The following ATP11C variants were observed in gnomAD, a reference collection of about 807,000 sequenced individuals.
The protein encoded by ATP11C is ATPase phospholipid transporting 11C (ATP11C blood group).
ATP11C carries 36 observed loss-of-function variants against 97.4 expected under a neutral mutation model. The observed-to-expected ratio is 0.37, with a 90% CI of 0.28 to 0.49. The LOEUF (loss-of-function observed/expected upper bound fraction) is 0.49, where lower values mean the gene tolerates loss of function less well. ATP11C is among the 20% of genes least tolerant of loss of function. The pLI is 0.98. For synonymous variants in ATP11C, 275 were observed against 290.9 expected (o/e 0.95, Z 0.56); for missense variants, 730 against 824.6 (o/e 0.89, Z 1.40).
At chrX:139,898,930 T>G (rs2084851911) in intron 1 of ATP11C, among the ~76,000 whole-genome samples, 1 of 111,485 alleles carries the variant, frequency 9.0e-6, no homozygotes, top group Non-Finnish European at 1.9e-5. Flanking sequence ...GATAGCTGAG[T>G]TATAGCAACA....
intron 1 of ATP11C, among the ~76,000 whole-genome samples, chrX:139,865,220 A>C (rs968921427): frequency 2.7e-5 from 3 of 111,560 alleles, no homozygotes; most frequent in African/African-American, 9.8e-5. Context: ...AATTAAAAAA[A>C]ATTAAACTGG....
chrX:139,776,285 G>C (rs1204484553), intron 18 of ATP11C, among the ~76,000 whole-genome samples: 1 of 111,542 alleles, frequency 9.0e-6, no homozygotes, highest in African/African-American at 3.3e-5. Flanking sequence ...CAGGCCAATT[G>C]GGCTTTCACA....
chrX:139,850,501 A>G (rs1055486379), intron 1 of ATP11C, among the ~76,000 whole-genome samples: 10 of 112,245 alleles, frequency 8.9e-5, no homozygotes, highest in Admixed American at 7.6e-4. Context: ...GAACTAGGAT[A>G]TTTGGTAGAA....
intron 1 of ATP11C, among the ~76,000 whole-genome samples, chrX:139,881,807 C>T (rs184515989): frequency 3.6e-5 from 4 of 111,500 alleles, no homozygotes; most frequent in Admixed American, 2.9e-4. Flanking sequence ...CAACTGTTTC[C>T]TCTCAAGAAA....
chrX:139,729,563 T>C (rs780038763), intron 29 of ATP11C, among the ~76,000 whole-genome samples: 5 of 111,733 alleles, frequency 4.5e-5, no homozygotes, highest in African/African-American at 1.3e-4. Context: ...TATGAGTCGA[T>C]TGATTCTTCT....
chrX:139,773,343 A>C (rs1255161963), intron 19 of ATP11C, among the ~76,000 whole-genome samples: 2 of 111,145 alleles, frequency 1.8e-5, no homozygotes, highest in African/African-American at 6.6e-5. Context: ...GAGTTAATGA[A>C]GGTGGGGCCT....
upstream of ATP11C, among the ~76,000 whole-genome samples, chrX:139,934,538 C>T (rs2085502268): frequency 2.8e-5 from 3 of 105,420 alleles, no homozygotes; most frequent in Admixed American, 2.1e-4. Context: ...TATTTTCTAG[C>T]TTTCTAGCTT....
intron 23 of ATP11C, among the ~76,000 whole-genome samples, chrX:139,755,532 T>A (rs753293144): frequency 3.1e-4 from 35 of 111,674 alleles, no homozygotes; most frequent in African/African-American, 1.1e-3. Flanking sequence ...GCCAAGGCAA[T>A]CCTAAGCAAA....
At chrX:139,879,072 T>A (rs1451143499) in intron 1 of ATP11C, among the ~76,000 whole-genome samples, 2 of 111,150 alleles carry the variant, frequency 1.8e-5, no homozygotes, top group East Asian at 5.7e-4. Context: ...ATAGTACCAC[T>A]GTACTTCAGC....
intron 5 of ATP11C, 70 bp from the exon 6 acceptor site, chrX:139,804,669 C>T (rs2083003500): frequency 2.3e-6 from 2 of 877,714 alleles, no homozygotes; most frequent in Middle Eastern, 4.3e-4. Flanking sequence ...ATACAAAAGT[C>T]AAAACATTAG....
intron 24 of ATP11C, among the ~76,000 whole-genome samples, chrX:139,747,874 G>C (rs1288088495): frequency 1.8e-5 from 2 of 111,848 alleles, no homozygotes; most frequent in African/African-American, 3.2e-5. Flanking sequence ...TTCACAACTT[G>C]CAAGTATGAG....
chrX:139,747,821 A>G (rs2081724947), intron 24 of ATP11C, among the ~76,000 whole-genome samples: 1 of 112,025 alleles, frequency 8.9e-6, no homozygotes, highest in Non-Finnish European at 1.9e-5. Flanking sequence ...AACTATCTAC[A>G]GTCTGGTGAC....
chrX:139,932,221 G>C lies in ATP11C; in HGVS notation c.-179C>G. 5.0e-6 allele frequency: 1 copy of C among 199,234 alleles called. No individual in the cohort carries two copies. Among genetic ancestry groups the C allele is most frequent in the Non-Finnish European group, 7.6e-6 (1 of 132,424 alleles). The allele number at this position is 199,234 out of a possible 1,213,427, so 16.4% of individuals were successfully genotyped here. On this transcript the variant is annotated 5_prime_UTR_variant, in exon 1 of 30. Coordinates refer to ENST00000682941, the MANE Select transcript of ATP11C (RefSeq NM_001353812.2). ...CTCCGCGCTCCCCCGCCCCCCAGCC[G>C]CCCGCAGCCTAGCCGCCGCCCCGCC...
intron 1 of ATP11C, among the ~76,000 whole-genome samples, chrX:139,829,656 TA>T (rs2083602848): frequency 9.0e-6 from 1 of 111,259 alleles, no homozygotes; most frequent in Non-Finnish European, 1.9e-5. Context: ...CAGCATTTCT[TA>T]AAACTGGAAA....
chrX:139,738,813 T>A (rs765134717), intron 27 of ATP11C, among the ~76,000 whole-genome samples: 17 of 110,286 alleles, frequency 1.5e-4, no homozygotes, highest in Non-Finnish European at 3.0e-4. Flanking sequence ...GTGAAGCTAT[T>A]GTTCTTTGAA....
At chrX:139,931,300 C>T (rs758493515) in intron 1 of ATP11C, among the ~76,000 whole-genome samples, 19 of 112,107 alleles carry the variant, frequency 1.7e-4, no homozygotes, top group Non-Finnish European at 3.2e-4. Context: ...AGTCACAGTC[C>T]GCCTTCTCCC....
At chrX:139,852,585 G>A (rs2084015665) in intron 1 of ATP11C, among the ~76,000 whole-genome samples, 1 of 105,718 alleles carries the variant, frequency 9.5e-6, no homozygotes, top group Non-Finnish European at 2.0e-5. Flanking sequence ...GTACTTCCTT[G>A]GTGGTCAAAT....
At chrX:139,846,942 A>C (rs1387888903) in intron 1 of ATP11C, among the ~76,000 whole-genome samples, 2 of 110,102 alleles carry the variant, frequency 1.8e-5, no homozygotes, top group Non-Finnish European at 3.8e-5. Flanking sequence ...AAAAAAAAAA[A>C]AAATTGTGGG....
chrX:139,891,467 A>G (rs2084729906), intron 1 of ATP11C, among the ~76,000 whole-genome samples: 1 of 112,091 alleles, frequency 8.9e-6, no homozygotes, highest in Non-Finnish European at 1.9e-5. Context: ...CCCTTCAGTC[A>G]TGCAGAGAAA....
Sources: allele counts gnomAD v4.1 joint callset (sites outside exome capture counted in the v4.1 genomes callset), GRCh38; gene constraint gnomAD v4.1.1; transcripts MANE v1.5; gene names NCBI Gene and HGNC (gene_info 2026-07-23, HGNC 2026-07-21).